The following DMD variants were observed in gnomAD, a reference collection of about 807,000 sequenced individuals.
DMD encodes dystrophin, also known as mutant dystrophin.
DMD carries 63 observed loss-of-function variants against 330.1 expected under a neutral mutation model. That is an observed-to-expected ratio of 0.19 (90% confidence interval 0.16 to 0.24). The LOEUF (loss-of-function observed/expected upper bound fraction) is 0.24, where lower values mean the gene tolerates loss of function less well. Among genes scored for constraint, DMD ranks in the 10% least tolerant of loss-of-function variants. DMD has a pLI of 1.00. For synonymous variants in DMD, 1,223 were observed against 959.8 expected (o/e 1.27, Z -5.07); for missense variants, 3,344 against 2,684.1 (o/e 1.25, Z -5.43).
chrX:33,007,502 C>T (rs1266782867), intron 2 of DMD, among the ~76,000 whole-genome samples: 1 of 111,478 alleles, frequency 9.0e-6, no homozygotes, highest in African/African-American at 3.3e-5. Context: ...TACCCTTATC[C>T]TGCTTTATTT....
chrX:31,861,946 TACACAC>T (rs60169449), intron 48 of DMD, among the ~76,000 whole-genome samples: 5 of 87,963 alleles, frequency 5.7e-5, no homozygotes, highest in African/African-American at 1.3e-4. Flanking sequence ...GAAAATAATA[TACACAC>T]ACACACACAC....
At chrX:32,848,330 C>T (rs1342903679) in intron 3 of DMD, among the ~76,000 whole-genome samples, 2 of 111,874 alleles carry the variant, frequency 1.8e-5, no homozygotes, top group South Asian at 3.7e-4. Flanking sequence ...ACATATGCTA[C>T]GTATCCATAT....
chrX:33,008,807 T>A (rs1482067904), intron 2 of DMD, among the ~76,000 whole-genome samples: 1 of 99,274 alleles, frequency 1.0e-5, no homozygotes, highest in African/African-American at 3.9e-5. Context: ...TATATACGTA[T>A]ATATACACAT....
chrX:32,118,490 G>C lies in DMD; in HGVS notation c.6438+98426C>G, dbSNP rs370636858. On this transcript the variant is annotated intron_variant, in intron 44 of 78. Coordinates refer to ENST00000357033, the MANE Select transcript of DMD (RefSeq NM_004006.3). The stretch of plus-strand genomic sequence containing the variant: ...CAAGGAACTTCTCCCCCTCTATGTG[G>C]CTTTGGTTATATATTGATAACCAAA... Among the ~76,000 whole-genome samples the C allele has an allele frequency of 7.2e-5, 8 of 110,347 alleles. No homozygotes were observed. The East Asian group carries it at 1.7e-3, about 24-fold the overall frequency.
intron 1 of DMD, among the ~76,000 whole-genome samples, chrX:33,333,667 C>T (rs1183740471): frequency 2.7e-5 from 3 of 110,843 alleles, no homozygotes; most frequent in African/African-American, 9.8e-5. Context: ...ATTCAGAATC[C>T]CTCAGCTTTA....
intron 18 of DMD, among the ~76,000 whole-genome samples, chrX:32,503,586 C>T (rs1303722807): frequency 1.8e-5 from 2 of 111,267 alleles, no homozygotes; most frequent in African/African-American, 3.3e-5. Context: ...GACAGAGTCT[C>T]ACTCTGTCGC....
In DMD at chrX:31,901,146, A is replaced by C. The variant is rs188324620; in HGVS notation, c.6913-25773T>G. 1.9e-3 allele frequency among the ~76,000 whole-genome samples: 211 copies of C among 111,705 alleles called. 1 individual carries two copies. The highest frequency in any genetic ancestry group is 6.6e-3 in the African/African-American group (202 of 30,754). On this transcript the variant is annotated intron_variant, in intron 47 of 78. Coordinates refer to ENST00000357033, the MANE Select transcript of DMD (RefSeq NM_004006.3). ...ATGGACTAATGCTAGAAGCAGTTGA[A>C]TCTACTGTCTTTAATGGGACAGAGT...
intron 45 of DMD, among the ~76,000 whole-genome samples, chrX:31,951,431 T>C (rs763509551): frequency 9.2e-6 from 1 of 108,279 alleles, no homozygotes; most frequent in African/African-American, 3.3e-5. Flanking sequence ...TGCCATATTG[T>C]ATTTTTTCAC....
At chrX:33,229,961 T>C (rs149109017) in intron 1 of DMD, among the ~76,000 whole-genome samples, 2,514 of 112,348 alleles carry the variant, frequency 0.022, 75 homozygotes, top group African/African-American at 0.078. Flanking sequence ...GTGTTTTGCA[T>C]TGAGATTAGA....
At chrX:32,237,129 C>G (rs2097190876) in intron 43 of DMD, among the ~76,000 whole-genome samples, 1 of 111,211 alleles carries the variant, frequency 9.0e-6, no homozygotes, top group Non-Finnish European at 1.9e-5. Flanking sequence ...AGGGACACCT[C>G]TTTTGCCCTA....
intron 19 of DMD, among the ~76,000 whole-genome samples, chrX:32,499,973 G>A (rs1379134884): frequency 9.0e-6 from 1 of 110,881 alleles, no homozygotes; most frequent in Non-Finnish European, 1.9e-5. Flanking sequence ...TATTTAATGG[G>A]GAAACAGAGC....
chrX:33,128,480 T>G, intron 1 of DMD: 1 of 897,929 alleles, frequency 1.1e-6, no homozygotes, highest in Non-Finnish European at 1.4e-6. Context: ...ACCGGCTCAA[T>G]CTACCTGATT....
At chrX:32,309,978 C>A in intron 42 of DMD, 104 bp downstream of exon 42, 1 of 746,341 alleles carries the variant, frequency 1.3e-6, no homozygotes. Context: ...ATGTGAAAGT[C>A]AAAATGCCAT....
At chrX:32,605,896 T>C (rs768117727) in intron 12 of DMD, among the ~76,000 whole-genome samples, 13 of 109,896 alleles carry the variant, frequency 1.2e-4, no homozygotes, top group Non-Finnish European at 2.3e-4. Flanking sequence ...TCAATGTCAT[T>C]TAAAAATTTG....
intron 44 of DMD, among the ~76,000 whole-genome samples, chrX:32,056,618 G>A (rs1403413570): frequency 1.8e-5 from 2 of 110,493 alleles, no homozygotes; most frequent in African/African-American, 6.6e-5. Context: ...TAAGGAGATT[G>A]AATCAGTAGT....
intron 62 of DMD, among the ~76,000 whole-genome samples, chrX:31,293,546 C>G (rs1328863776): frequency 9.0e-6 from 1 of 111,008 alleles, no homozygotes; most frequent in African/African-American, 3.3e-5. Context: ...ATTTATTGAA[C>G]AAGGATACCT....
intron 44 of DMD, 99 bp from the exon 45 acceptor site, chrX:31,968,613 A>C: frequency 2.2e-6 from 2 of 907,725 alleles, no homozygotes; most frequent in Admixed American, 5.3e-5. Flanking sequence ...TGTACTGGCA[A>C]AGAAAGAAAT....
chrX:31,237,040 A>T (rs1435993052), intron 63 of DMD, among the ~76,000 whole-genome samples: 5 of 112,139 alleles, frequency 4.5e-5, no homozygotes, highest in Non-Finnish European at 9.4e-5. Flanking sequence ...AATCATCATG[A>T]ATAAAATGGA....
chrX:32,858,062 G>T (rs1314728962), intron 2 of DMD, among the ~76,000 whole-genome samples: 1 of 110,271 alleles, frequency 9.1e-6, no homozygotes, highest in Non-Finnish European at 1.9e-5. Flanking sequence ...AACTCACAGA[G>T]TCAATGATAT....
Sources: allele counts gnomAD v4.1 joint callset (sites outside exome capture counted in the v4.1 genomes callset), GRCh38; gene constraint gnomAD v4.1.1; transcripts MANE v1.5; gene names NCBI Gene and HGNC (gene_info 2026-07-23, HGNC 2026-07-21).